Variants in CACNA2D1 observed in about 807,000 individuals in gnomAD.
CACNA2D1 encodes the protein voltage-dependent calcium channel subunit alpha-2/delta-1.
Under a neutral mutation model 171.5 loss-of-function variants are expected in CACNA2D1, and 53 were observed. That is an observed-to-expected ratio of 0.31 (90% CI 0.25 to 0.39). CACNA2D1 has a LOEUF of 0.39. Among genes scored for constraint, CACNA2D1 ranks in the 10% least tolerant of loss-of-function variants. CACNA2D1 has a pLI of 1.00. For missense variants in CACNA2D1, 903 were observed against 1,299.8 expected (o/e 0.69, Z 4.69); for synonymous variants, 442 against 443.1 (o/e 1.00, Z 0.03).
intron 3 of CACNA2D1, among the ~76,000 whole-genome samples, chr7:82,246,984 GAGA>G (rs1259919175): frequency 6.6e-6 from 1 of 152,100 alleles, no homozygotes; most frequent in Non-Finnish European, 1.5e-5. Context: ...CTCCAGCTTT[GAGA>G]AGAAGGGAGG....
intron 6 of CACNA2D1, among the ~76,000 whole-genome samples, chr7:82,104,180 C>T (rs1054365904): frequency 3.3e-5 from 5 of 151,724 alleles, no homozygotes; most frequent in African/African-American, 1.2e-4. Flanking sequence ...TCACGTTTTC[C>T]GTTATTTTAA....
At chr7:82,050,093 C>T (rs1346137610) in intron 10 of CACNA2D1, among the ~76,000 whole-genome samples, 1 of 152,108 alleles carries the variant, frequency 6.6e-6, no homozygotes, top group Admixed American at 6.6e-5. Flanking sequence ...TCTAGGAATA[C>T]ATTAGGCATA....
intron 38 of CACNA2D1, among the ~76,000 whole-genome samples, chr7:81,954,138 G>A (rs896191873): frequency 3.3e-5 from 5 of 151,904 alleles, no homozygotes; most frequent in Non-Finnish European, 5.9e-5. Context: ...CACTGATGTG[G>A]GAGGAACTCA....
At position 81,950,391 on chromosome 7, in the gene CACNA2D1, G is replaced by C; in HGVS notation, c.*1C>G. On this transcript the variant is annotated 3_prime_UTR_variant, in exon 39 of 39. Transcript: ENST00000356860. Reference sequence around the variant, plus strand: ...ACTATGCAGATTTGGTTTTTAGAAGGTCATAACAGGCGGTGTGTGCTGCCA... The same window carrying C: ...ACTATGCAGATTTGGTTTTTAGAAGCTCATAACAGGCGGTGTGTGCTGCCA... 6.2e-7 allele frequency: 1 copy of C among 1,613,136 alleles called. No individual in the cohort carries two copies. Among genetic ancestry groups the C allele is most frequent in the South Asian group, 1.1e-5 (1 of 91,056 alleles).
chr7:82,268,593 G>A (rs1349533724), intron 3 of CACNA2D1, among the ~76,000 whole-genome samples: 2 of 152,046 alleles, frequency 1.3e-5, no homozygotes, highest in Admixed American at 6.6e-5. Context: ...AATTATTGGG[G>A]ATGTGTGGAC....
At chr7:82,003,386 G>A (rs766529191) in intron 18 of CACNA2D1, among the ~76,000 whole-genome samples, 1 of 151,824 alleles carries the variant, frequency 6.6e-6, no homozygotes, top group Non-Finnish European at 1.5e-5. Context: ...AGTTGCTAAA[G>A]AATTTGTTTT....
chr7:82,214,015 C>G (rs915090207), intron 3 of CACNA2D1, among the ~76,000 whole-genome samples: 2 of 152,118 alleles, frequency 1.3e-5, no homozygotes, highest in Non-Finnish European at 2.9e-5. Context: ...ATGGTGACTT[C>G]CTGCTGTGTC....
chr7:82,356,174 A>C (rs1820400000), intron 1 of CACNA2D1, among the ~76,000 whole-genome samples: 1 of 152,142 alleles, frequency 6.6e-6, no homozygotes, highest in Non-Finnish European at 1.5e-5. Flanking sequence ...TTTAGTCATC[A>C]TAAAAACTAG....
Position 82,160,201 on chromosome 7 carries a change from A to G in CACNA2D1, c.354+10349T>C, listed in dbSNP as rs189705384. ...GCAATGTCCCAAAATTTTGAGGAAA[A>G]TAATACATAATTAGCCAGGGCAACC... On this transcript the variant is annotated intron_variant, in intron 4 of 38. Coordinates refer to ENST00000356860, the MANE Select transcript of CACNA2D1 (RefSeq NM_000722.4). 2.1e-3 allele frequency among the ~76,000 whole-genome samples: 317 copies of G among 152,046 alleles called. 1 individual carries two copies. Among genetic ancestry groups the G allele is most frequent in the African/African-American group, 6.5e-3 (271 of 41,492 alleles).
intron 1 of CACNA2D1, among the ~76,000 whole-genome samples, chr7:82,398,200 G>A (rs1017285044): frequency 6.6e-6 from 1 of 152,156 alleles, no homozygotes; most frequent in African/African-American, 2.4e-5. Context: ...TTAGGGGAGA[G>A]ACTAAAAAAG....
intron 3 of CACNA2D1, among the ~76,000 whole-genome samples, chr7:82,237,911 ATAAAG>A (rs1803799490): frequency 6.6e-6 from 1 of 152,048 alleles, no homozygotes; most frequent in Admixed American, 6.6e-5. Flanking sequence ...AATATAAAGA[ATAAAG>A]TACAGTTAAA....
intron 3 of CACNA2D1, among the ~76,000 whole-genome samples, chr7:82,281,924 A>T (rs75958272): frequency 0.13 from 19,740 of 152,126 alleles, 1,535 homozygotes; most frequent in South Asian, 0.28. Context: ...AAAATCTTTC[A>T]TAATATTGTA....
chr7:81,991,088 T>C (rs1797496334), intron 21 of CACNA2D1, 97 bp downstream of exon 21: 1 of 716,464 alleles, frequency 1.4e-6, no homozygotes, highest in African/African-American at 1.7e-5. Flanking sequence ...TGTTGGGAAC[T>C]TTTCTAGTGA....
intron 1 of CACNA2D1, among the ~76,000 whole-genome samples, chr7:82,362,279 G>C (rs1821157801): frequency 6.6e-6 from 1 of 152,036 alleles, no homozygotes; most frequent in Non-Finnish European, 1.5e-5. Flanking sequence ...GCTCCATTTA[G>C]AGCACATCCC....
intron 3 of CACNA2D1, among the ~76,000 whole-genome samples, chr7:82,197,919 CAT>C (rs1491410775): frequency 6.6e-6 from 1 of 151,856 alleles, no homozygotes; most frequent in Non-Finnish European, 1.5e-5. Context: ...CACACACACA[CAT>C]ATGTCTACCT....
At chr7:82,107,465 CA>C (rs1456852374) in intron 6 of CACNA2D1, among the ~76,000 whole-genome samples, 2 of 151,972 alleles carry the variant, frequency 1.3e-5, no homozygotes, top group Admixed American at 1.3e-4. Context: ...GGGCAAAATT[CA>C]AAGAGCAGCT....
chr7:82,105,398 CTTTTTTTTTTT>C (rs572031121), intron 6 of CACNA2D1, among the ~76,000 whole-genome samples: 3 of 99,486 alleles, frequency 3.0e-5, no homozygotes, highest in African/African-American at 1.2e-4. Context: ...CAGTTTTTGT[CTTTTTTTTTTT>C]TTTTTTTTTT....
chr7:82,114,564 G>A (rs1380755207), intron 6 of CACNA2D1, among the ~76,000 whole-genome samples: 1 of 151,950 alleles, frequency 6.6e-6, no homozygotes, highest in Non-Finnish European at 1.5e-5. Flanking sequence ...CCAACATGGT[G>A]AAACCCTGTC....
chr7:81,977,956 C>T lies in CACNA2D1; in HGVS notation c.1956-3404G>A, dbSNP rs144147308. Among the ~76,000 whole-genome samples the T allele has an allele frequency of 1.6e-3, 243 of 152,208 alleles. 5 individuals carry two copies. The East Asian group carries it at 0.018, about 11-fold the overall frequency. ...TGAACAGACAGTTCTCAAAATAAGA[C>T]ATTTATGCGGCCAACAAACATATGA... On this transcript the variant is annotated intron_variant, in intron 24 of 38. Coordinates refer to ENST00000356860, the MANE Select transcript of CACNA2D1 (RefSeq NM_000722.4).
Sources: allele counts gnomAD v4.1 joint callset (sites outside exome capture counted in the v4.1 genomes callset), GRCh38; gene constraint gnomAD v4.1.1; transcripts MANE v1.5; gene names NCBI Gene and HGNC (gene_info 2026-07-23, HGNC 2026-07-21).